Variants in GPD2 observed in about 807,000 individuals in gnomAD.
GPD2 encodes glycerol-3-phosphate dehydrogenase, mitochondrial.
A neutral mutation model predicts 82.4 loss-of-function variants in GPD2; 54 were observed. That is an observed-to-expected ratio of 0.66 (90% CI 0.53 to 0.82). The LOEUF (loss-of-function observed/expected upper bound fraction) is 0.82. Among genes scored for constraint, GPD2 ranks in the 40% least tolerant of loss-of-function variants. The pLI, the probability that GPD2 is intolerant of heterozygous loss-of-function variation, is 0.00. For missense variants in GPD2, 748 were observed against 896.2 expected (o/e 0.83, Z 2.11); for synonymous variants, 288 against 306.1 (o/e 0.94, Z 0.62).
At chr2:156,439,547 A>AAAAAC (rs1258164771) in intron 1 of GPD2, among the ~76,000 whole-genome samples, 1 of 142,910 alleles carries the variant, frequency 7.0e-6, no homozygotes, top group South Asian at 2.3e-4. Flanking sequence ...AAACAAAAAA[A>AAAAAC]AAAAAACAAG....
At chr2:156,418,170 G>A in the GPD2 span, among the ~76,000 whole-genome samples, 1 of 151,940 alleles carries the variant, frequency 6.6e-6, no homozygotes, top group Admixed American at 6.6e-5. Flanking sequence ...CGCGGAGATT[G>A]AGCCACTGCA....
intron 3 of GPD2, among the ~76,000 whole-genome samples, chr2:156,507,286 T>C (rs1463303219): frequency 6.6e-6 from 1 of 151,474 alleles, no homozygotes; most frequent in African/African-American, 2.4e-5. Context: ...GGGATTACAG[T>C]CATGAGCCAC....
intron 3 of GPD2, among the ~76,000 whole-genome samples, chr2:156,498,147 A>T (rs1284336051): frequency 6.6e-6 from 1 of 152,212 alleles, no homozygotes; most frequent in Non-Finnish European, 1.5e-5. Flanking sequence ...GCACTAAAAT[A>T]TGTAGCCATT....
chr2:156,482,935 A>G (rs1007004136), intron 2 of GPD2, among the ~76,000 whole-genome samples: 2 of 152,208 alleles, frequency 1.3e-5, no homozygotes, highest in African/African-American at 4.8e-5. Flanking sequence ...AGGCAAAGTG[A>G]TGCATGGATA....
At chr2:156,535,324 AAGAGAG>A (rs143374279) in intron 6 of GPD2, among the ~76,000 whole-genome samples, 1 of 139,682 alleles carries the variant, frequency 7.2e-6, no homozygotes, top group Non-Finnish European at 1.6e-5. Flanking sequence ...AGACCTGGGA[AAGAGAG>A]AGAGAGAGAA....
intron 6 of GPD2, among the ~76,000 whole-genome samples, chr2:156,516,410 G>T (rs538467262): frequency 6.6e-6 from 1 of 152,176 alleles, no homozygotes. Flanking sequence ...TGAGAAAGTG[G>T]CGTAAGTAAT....
intron 6 of GPD2, among the ~76,000 whole-genome samples, chr2:156,521,963 G>A (rs1238888696): frequency 6.6e-6 from 1 of 152,112 alleles, no homozygotes; most frequent in African/African-American, 2.4e-5. Context: ...CATACAGCAG[G>A]CATATTTTTT....
intron 1 of GPD2, among the ~76,000 whole-genome samples, chr2:156,442,261 A>G (rs769211476): frequency 2.0e-5 from 3 of 152,204 alleles, no homozygotes; most frequent in African/African-American, 7.2e-5. Flanking sequence ...CTTGGTGACA[A>G]TGGGGTGACA....
At chr2:156,538,770 G>A (rs1442131208) in intron 6 of GPD2, among the ~76,000 whole-genome samples, 2 of 141,772 alleles carry the variant, frequency 1.4e-5, no homozygotes, top group African/African-American at 2.6e-5. Flanking sequence ...GCAGTGAGCC[G>A]AGATCACGCC....
chr2:156,540,710 T>C (rs1686274402), intron 6 of GPD2, among the ~76,000 whole-genome samples: 1 of 152,262 alleles, frequency 6.6e-6, no homozygotes, highest in African/African-American at 2.4e-5. Context: ...TCCATTTTCC[T>C]ATCAACACTG....
intron 9 of GPD2, among the ~76,000 whole-genome samples, chr2:156,567,462 A>C (rs1048589393): frequency 6.6e-6 from 1 of 152,128 alleles, no homozygotes; most frequent in Non-Finnish European, 1.5e-5. Context: ...GACTATATAC[A>C]GTCAATTTTT....
intron 1 of GPD2, among the ~76,000 whole-genome samples, chr2:156,463,938 G>A (rs1254312153): frequency 6.6e-6 from 1 of 152,168 alleles, no homozygotes; most frequent in Non-Finnish European, 1.5e-5. Flanking sequence ...TATAGTACTT[G>A]AATGCTTTTC....
chr2:156,424,026 G>C, the GPD2 span, among the ~76,000 whole-genome samples: 62 of 152,292 alleles, frequency 4.1e-4, 1 homozygote, highest in African/African-American at 1.4e-3. Context: ...TAATATAGTT[G>C]GAACCTGGGT....
chr2:156,469,548 C>T (rs1683257163), intron 1 of GPD2, among the ~76,000 whole-genome samples: 1 of 152,122 alleles, frequency 6.6e-6, no homozygotes, highest in African/African-American at 2.4e-5. Flanking sequence ...TGTTGATGGA[C>T]ACTTAGGTTG....
At chr2:156,549,472 G>A (rs1686669613) in intron 6 of GPD2, 136 bp from the exon 7 acceptor site, 1 of 810,506 alleles carries the variant, frequency 1.2e-6, no homozygotes, top group African/African-American at 1.7e-5. Flanking sequence ...ATTGTGCCCT[G>A]TCAAGCTGCC....
chr2:156,426,107 T>C, the GPD2 span, among the ~76,000 whole-genome samples: 3 of 152,112 alleles, frequency 2.0e-5, no homozygotes, highest in East Asian at 5.8e-4. Context: ...GTATTTTTAG[T>C]AGAGACGGGG....
the GPD2 span, among the ~76,000 whole-genome samples, chr2:156,412,124 C>T: frequency 6.6e-6 from 1 of 152,228 alleles, no homozygotes; most frequent in South Asian, 2.1e-4. Flanking sequence ...AAACTTGCCC[C>T]ATTGTACAAT....
chr2:156,432,709 C>T (rs1688331258), upstream of GPD2, among the ~76,000 whole-genome samples: 1 of 152,176 alleles, frequency 6.6e-6, no homozygotes, highest in South Asian at 2.1e-4. Flanking sequence ...AGAAAATTAT[C>T]TACTATACAA....
rs1688142830 is a variant in GPD2 at position 156,584,452 on chromosome 2, C to A, written c.*1534C>A. 1 of 152,324 alleles carries A rather than the reference C, an allele frequency of 6.6e-6. No homozygotes were observed. The highest frequency in any genetic ancestry group is 2.1e-4 in the South Asian group (1 of 4,832). 9.4% of individuals were successfully genotyped at this position (152,324 alleles called of 1,614,324 possible). ...CTGCAGAGTATCTTTATGCCTTATT[C>A]AAGTGGATTCTGAGCCTGTATGTCA... On this transcript the variant is annotated 3_prime_UTR_variant, in exon 17 of 17. Coordinates refer to ENST00000438166, the MANE Select transcript of GPD2 (RefSeq NM_000408.5).
Sources: gnomAD v4.1 joint callset for allele counts (sites outside exome capture counted in the v4.1 genomes callset) on GRCh38, gnomAD v4.1.1 for gene constraint, MANE v1.5 for transcripts, NCBI Gene and HGNC (gene_info 2026-07-23, HGNC 2026-07-21) for gene names.